Variants in IL1RAPL1 observed in about 807,000 individuals in gnomAD.
The protein encoded by IL1RAPL1 is interleukin 1 receptor accessory protein like 1.
In IL1RAPL1, 3 loss-of-function variants were observed where a neutral mutation model predicts 48.4. The observed-to-expected ratio is 0.06, with a 90% confidence interval of 0.03 to 0.16. The LOEUF (loss-of-function observed/expected upper bound fraction) is 0.16. IL1RAPL1 is among the 10% of genes least tolerant of loss of function. The pLI is 1.00. For missense variants in IL1RAPL1, 349 were observed against 530.6 expected, an observed-to-expected ratio of 0.66 and a Z score of 3.36; for synonymous variants, 185 against 187.7, an observed-to-expected ratio of 0.99 and a Z score of 0.12.
intron 2 of IL1RAPL1, among the ~76,000 whole-genome samples, chrX:28,809,107 C>T (rs1014454147): frequency 4.5e-5 from 5 of 109,920 alleles, no homozygotes; most frequent in African/African-American, 1.6e-4. Flanking sequence ...TTTAATTTAA[C>T]AAGAATATGC....
intron 2 of IL1RAPL1, among the ~76,000 whole-genome samples, chrX:28,875,787 C>CA (rs772038865): frequency 2.7e-5 from 3 of 111,408 alleles, no homozygotes; most frequent in African/African-American, 9.8e-5. Context: ...GATCAGAGGC[C>CA]AAAAAAGCCT....
At chrX:28,635,621 A>G (rs1601841939) in intron 1 of IL1RAPL1, among the ~76,000 whole-genome samples, 1 of 111,974 alleles carries the variant, frequency 8.9e-6, no homozygotes, top group African/African-American at 3.2e-5. Context: ...CTAAGCTATG[A>G]TGTTTGGTAG....
At chrX:28,825,847 A>G (rs1936989762) in intron 2 of IL1RAPL1, among the ~76,000 whole-genome samples, 1 of 111,297 alleles carries the variant, frequency 9.0e-6, no homozygotes, top group Non-Finnish European at 1.9e-5. Context: ...CTGTAAACAT[A>G]TGGATGGTTC....
intron 6 of IL1RAPL1, among the ~76,000 whole-genome samples, chrX:29,843,347 T>C (rs1160584244): frequency 8.9e-6 from 1 of 112,153 alleles, no homozygotes; most frequent in Admixed American, 9.5e-5. Context: ...CTGCTGTGGT[T>C]TGGAAATCTA....
chrX:29,581,599 A>G (rs1274388934), intron 5 of IL1RAPL1, among the ~76,000 whole-genome samples: 3 of 112,210 alleles, frequency 2.7e-5, no homozygotes, highest in Non-Finnish European at 1.9e-5. Context: ...GGCACATCAA[A>G]GCTGAGTGCA....
chrX:29,548,774 A>G (rs756699023), intron 5 of IL1RAPL1, among the ~76,000 whole-genome samples: 3 of 111,955 alleles, frequency 2.7e-5, no homozygotes, highest in East Asian at 5.6e-4. Context: ...GATAAATTGT[A>G]TAACTGAATT....
chrX:29,017,224 A>G (rs952832430), intron 2 of IL1RAPL1, among the ~76,000 whole-genome samples: 5 of 112,372 alleles, frequency 4.4e-5, no homozygotes, highest in African/African-American at 1.6e-4. Context: ...ATTCTGATTG[A>G]CTGGTGAACC....
intron 6 of IL1RAPL1, among the ~76,000 whole-genome samples, chrX:29,866,640 T>A (rs1264109398): frequency 9.3e-6 from 1 of 107,034 alleles, no homozygotes; most frequent in Non-Finnish European, 1.9e-5. Context: ...TTATCACTGA[T>A]GTTGATGTAT....
intron 2 of IL1RAPL1, among the ~76,000 whole-genome samples, chrX:28,793,123 CA>C (rs1342859440): frequency 9.3e-6 from 1 of 107,698 alleles, no homozygotes; most frequent in Non-Finnish European, 1.9e-5. Flanking sequence ...TTATAAGTAG[CA>C]CTTGATGAAA....
intron 6 of IL1RAPL1, among the ~76,000 whole-genome samples, chrX:29,885,795 G>C (rs1486967449): frequency 1.8e-5 from 2 of 111,541 alleles, no homozygotes; most frequent in African/African-American, 6.5e-5. Context: ...CTCCAGCCTA[G>C]GTGACAGAGC....
intron 5 of IL1RAPL1, among the ~76,000 whole-genome samples, chrX:29,595,205 G>T (rs762569382): frequency 8.9e-6 from 1 of 112,209 alleles, no homozygotes; most frequent in Non-Finnish European, 1.9e-5. Flanking sequence ...AACATGGTGT[G>T]CAAGTATCTT....
At chrX:29,081,371 T>A (rs1018040226) in intron 2 of IL1RAPL1, among the ~76,000 whole-genome samples, 2 of 109,398 alleles carry the variant, frequency 1.8e-5, no homozygotes, top group Admixed American at 2.0e-4. Context: ...CCCAGCTAAT[T>A]TTTGTATGTT....
intron 5 of IL1RAPL1, among the ~76,000 whole-genome samples, chrX:29,592,966 C>T (rs2147057448): frequency 8.9e-6 from 1 of 112,298 alleles, no homozygotes; most frequent in South Asian, 3.7e-4. Context: ...ACCTTCTATC[C>T]CTCTTTCAAG....
At chrX:29,891,963 G>C (rs1932282845) in intron 6 of IL1RAPL1, among the ~76,000 whole-genome samples, 1 of 111,997 alleles carries the variant, frequency 8.9e-6, no homozygotes, top group African/African-American at 3.2e-5. Flanking sequence ...CTGGGAGATA[G>C]TCTATCAGGC....
chrX:29,819,409 G>A (rs764071438), intron 6 of IL1RAPL1, among the ~76,000 whole-genome samples: 11 of 111,131 alleles, frequency 9.9e-5, no homozygotes, highest in Admixed American at 7.7e-4. Flanking sequence ...CCATGGTGGG[G>A]GGGAAATTAG....
intron 6 of IL1RAPL1, among the ~76,000 whole-genome samples, chrX:29,880,234 C>T (rs981418476): frequency 2.2e-4 from 24 of 111,532 alleles, no homozygotes; most frequent in South Asian, 1.9e-3. Context: ...CATATGCTAA[C>T]GTGTGTATAT....
chrX:29,654,472 G>A (rs1925611493), intron 5 of IL1RAPL1, among the ~76,000 whole-genome samples: 1 of 112,123 alleles, frequency 8.9e-6, no homozygotes, highest in Non-Finnish European at 1.9e-5. Context: ...CATGGCAGAA[G>A]GCAAAGGAGA....
chrX:29,418,406 G>A (rs546135815), intron 5 of IL1RAPL1, among the ~76,000 whole-genome samples: 183 of 109,055 alleles, frequency 1.7e-3, no homozygotes, highest in South Asian at 0.013. Context: ...GATTACAGGC[G>A]TGAGCCACTG....
At chrX:29,423,297 A>G (rs1000663298) in intron 5 of IL1RAPL1, among the ~76,000 whole-genome samples, 14 of 111,905 alleles carry the variant, frequency 1.3e-4, no homozygotes, top group African/African-American at 4.2e-4. Context: ...TACATTTTCC[A>G]TTTATCGATT....
Sources: allele counts gnomAD v4.1 joint callset (sites outside exome capture counted in the v4.1 genomes callset), GRCh38; gene constraint gnomAD v4.1.1; transcripts MANE v1.5; gene names NCBI Gene and HGNC (gene_info 2026-07-23, HGNC 2026-07-21).